Variants in ROPN1L observed in about 807,000 individuals in gnomAD.
ROPN1L encodes rhophilin associated tail protein 1 like.
ROPN1L carries 23 observed loss-of-function variants against 22.7 expected under a neutral mutation model. The observed-to-expected ratio is 1.01, with a 90% CI of 0.73 to 1.43. The LOEUF (loss-of-function observed/expected upper bound fraction) is 1.43, where lower values mean the gene tolerates loss of function less well. Among genes scored for constraint, ROPN1L ranks in the 40% most tolerant of loss-of-function variants. ROPN1L has a pLI of 0.00. For missense variants in ROPN1L, 271 were observed against 291.5 expected (o/e 0.93, Z 0.51); for synonymous variants, 116 against 117.8 (o/e 0.98, Z 0.10).
intron 2 of ROPN1L, among the ~76,000 whole-genome samples, chr5:10,449,726 C>T (rs1344648661): frequency 2.6e-5 from 4 of 152,000 alleles, no homozygotes; most frequent in African/African-American, 9.7e-5. Context: ...AACATGATGC[C>T]GTATTCGCTT....
chr5:10,453,617 C>T (rs1741322641), intron 3 of ROPN1L, among the ~76,000 whole-genome samples: 1 of 152,214 alleles, frequency 6.6e-6, no homozygotes, highest in Non-Finnish European at 1.5e-5. Context: ...CTAGCCGCTG[C>T]CTGCGTGAGC....
downstream of ROPN1L, among the ~76,000 whole-genome samples, chr5:10,474,444 G>A (rs150433294): frequency 1.2e-4 from 19 of 152,308 alleles, 1 homozygote; most frequent in Non-Finnish European, 2.5e-4. Flanking sequence ...CTGTCACTGC[G>A]AGGGCACCAG....
At chr5:10,446,640 C>T (rs1226170554) in intron 1 of ROPN1L, among the ~76,000 whole-genome samples, 2 of 137,192 alleles carry the variant, frequency 1.5e-5, no homozygotes, top group Admixed American at 7.8e-5. Flanking sequence ...CAGCCTAGGC[C>T]ACAGAACGAG....
chr5:10,457,477 C>G (rs1734855931), intron 3 of ROPN1L, among the ~76,000 whole-genome samples: 1 of 152,228 alleles, frequency 6.6e-6, no homozygotes. Context: ...CTCAGAGGCC[C>G]ACCGGCTGTG....
At chr5:10,461,380 G>C (rs778924406) in intron 4 of ROPN1L, 21 bp downstream of exon 4, 7 of 1,603,536 alleles carry the variant, frequency 4.4e-6, no homozygotes, top group Non-Finnish European at 6.0e-6. Flanking sequence ...ACCCTCTCTA[G>C]GATTCAGGTA....
chr5:10,462,242 A>G (rs144903059), intron 4 of ROPN1L, among the ~76,000 whole-genome samples: 2 of 152,320 alleles, frequency 1.3e-5, no homozygotes, highest in Non-Finnish European at 2.9e-5. Flanking sequence ...CACAGATTTT[A>G]CTTGTATGCC....
intron 3 of ROPN1L, among the ~76,000 whole-genome samples, chr5:10,459,761 C>G (rs1734979677): frequency 6.6e-6 from 1 of 152,236 alleles, no homozygotes; most frequent in African/African-American, 2.4e-5. Context: ...GCACTGCCTG[C>G]CTGCTGCTCC....
downstream of ROPN1L, among the ~76,000 whole-genome samples, chr5:10,476,167 C>T (rs1469502007): frequency 6.6e-6 from 1 of 152,230 alleles, no homozygotes; most frequent in Non-Finnish European, 1.5e-5. Context: ...AGCTGAGCAG[C>T]CACATGCCCT....
At chr5:10,446,076 C>G (rs764031179) in intron 1 of ROPN1L, among the ~76,000 whole-genome samples, 9 of 152,218 alleles carry the variant, frequency 5.9e-5, no homozygotes, top group African/African-American at 2.2e-4. Context: ...TGAGGGGAGT[C>G]GGCTGTTCCT....
chr5:10,473,940 G>T (rs2648808), downstream of ROPN1L, among the ~76,000 whole-genome samples: 27,746 of 151,842 alleles, frequency 0.18, 3,681 homozygotes, highest in East Asian at 0.66. Context: ...TCTCCTGAGT[G>T]CAGGAGTTCG....
chr5:10,453,396 G>A (rs2126445926), intron 3 of ROPN1L, among the ~76,000 whole-genome samples: 1 of 152,304 alleles, frequency 6.6e-6, no homozygotes, highest in Admixed American at 6.5e-5. Flanking sequence ...TGTTGACCTT[G>A]TTGGCCCTGG....
At chr5:10,459,545 C>T (rs772918815) in intron 3 of ROPN1L, among the ~76,000 whole-genome samples, 1 of 152,170 alleles carries the variant, frequency 6.6e-6, no homozygotes, top group African/African-American at 2.4e-5. Flanking sequence ...CACCCCATCC[C>T]GCTGACCTCA....
At chr5:10,460,794 C>T (rs1192463972) in intron 3 of ROPN1L, among the ~76,000 whole-genome samples, 1 of 152,252 alleles carries the variant, frequency 6.6e-6, no homozygotes, top group Non-Finnish European at 1.5e-5. Flanking sequence ...GCACCTCTGG[C>T]TGGTGGCAGA....
the ROPN1L span, among the ~76,000 whole-genome samples, chr5:10,478,641 G>A: frequency 3.4e-4 from 52 of 152,196 alleles, no homozygotes; most frequent in African/African-American, 1.0e-3. Flanking sequence ...GGCAGCAGTC[G>A]TTGGATTTAG....
downstream of ROPN1L, among the ~76,000 whole-genome samples, chr5:10,465,707 C>T (rs1735142225): frequency 6.6e-6 from 1 of 151,530 alleles, no homozygotes; most frequent in Non-Finnish European, 1.5e-5. Context: ...AAAAAATTAG[C>T]CAGGCGTGGC....
chr5:10,456,408 A>C (rs776955339), intron 3 of ROPN1L, among the ~76,000 whole-genome samples: 1 of 152,180 alleles, frequency 6.6e-6, no homozygotes, highest in Non-Finnish European at 1.5e-5. Context: ...GAATCGCTTG[A>C]ACCCAGGAGG....
chr5:10,481,327 G>A, the ROPN1L span, among the ~76,000 whole-genome samples: 1 of 152,206 alleles, frequency 6.6e-6, no homozygotes. Flanking sequence ...GCAGGGCCAC[G>A]AGCGTTGTTA....
intron 2 of ROPN1L, 24 bp downstream of exon 2, chr5:10,448,407 C>A: frequency 6.2e-7 from 1 of 1,613,456 alleles, no homozygotes; most frequent in Non-Finnish European, 8.5e-7. Flanking sequence ...TAGTCTCTGG[C>A]CTCAGGCAGC....
chr5:10,472,557 G>A (rs1735266208), downstream of ROPN1L, among the ~76,000 whole-genome samples: 1 of 152,206 alleles, frequency 6.6e-6, no homozygotes, highest in African/African-American at 2.4e-5. Flanking sequence ...GTAGGTGCTA[G>A]TAGTCACTAA....
Sources: allele counts gnomAD v4.1 joint callset (sites outside exome capture counted in the v4.1 genomes callset), GRCh38; gene constraint gnomAD v4.1.1; transcripts MANE v1.5; gene names NCBI Gene and HGNC (gene_info 2026-07-23, HGNC 2026-07-21).